Variants in EEPD1 observed in about 807,000 individuals in gnomAD.
The protein encoded by EEPD1 is endonuclease/exonuclease/phosphatase family domain-containing protein 1.
A neutral mutation model predicts 46.3 loss-of-function variants in EEPD1; 17 were observed. The observed-to-expected ratio is 0.37, with a 90% CI of 0.25 to 0.55. The LOEUF (loss-of-function observed/expected upper bound fraction) is 0.55. Among genes scored for constraint, EEPD1 ranks in the 20% least tolerant of loss-of-function variants. The pLI is 0.83. For missense variants in EEPD1, 673 were observed against 745.6 expected, an observed-to-expected ratio of 0.90 and a Z score of 1.13; for synonymous variants, 313 against 315.6, an observed-to-expected ratio of 0.99 and a Z score of 0.09.
chr7:36,279,093 T>A (rs1787222447), intron 3 of EEPD1, among the ~76,000 whole-genome samples: 2 of 149,606 alleles, frequency 1.3e-5, no homozygotes, highest in African/African-American at 2.5e-5. Flanking sequence ...CCACCCCGAC[T>A]CCCCCGCATC....
In EEPD1 at chr7:36,210,733, C is replaced by T. The variant is rs999782402; in HGVS notation, c.879-28252C>T. Among the ~76,000 whole-genome samples the T allele has an allele frequency of 5.9e-5, 9 of 152,308 alleles. No homozygotes were observed. The East Asian group carries it at 1.7e-3, about 29-fold the overall frequency. ...ACCTGCGCATTTGCTGCTGCCTCCG[C>T]GTAGACCTTTTCCTTTCTCATGACT... On this transcript the variant is annotated intron_variant, in intron 2 of 7. Coordinates refer to ENST00000242108, the MANE Select transcript of EEPD1 (RefSeq NM_030636.3).
At chr7:36,159,343 T>G (rs1398698708) in intron 2 of EEPD1, among the ~76,000 whole-genome samples, 1 of 152,220 alleles carries the variant, frequency 6.6e-6, no homozygotes, top group South Asian at 2.1e-4. Flanking sequence ...TTTTCTCATA[T>G]GAACAATAGG....
At position 36,154,194 on chromosome 7, in the gene EEPD1, G is replaced by C. The variant is rs1413601645; in HGVS notation, c.-131G>C. 2.6e-6 allele frequency: 3 copies of C among 1,170,914 alleles called. No homozygotes were observed. Among genetic ancestry groups the C allele is most frequent in the African/African-American group, 3.1e-5 (2 of 64,648 alleles). The allele number at this position is 1,170,914 out of a possible 1,614,324, so 72.5% of individuals were successfully genotyped here. A position where few individuals can be genotyped will look rare whatever the true frequency, so the allele number is the denominator to read the frequency against. ...ATGGAAGATTCGGTGTTTGTCTATA[G>C]TAACCTCTTCAGTCCCTGAATCCTG... On this transcript the variant is annotated 5_prime_UTR_variant, in exon 2 of 8. Coordinates refer to ENST00000242108, the MANE Select transcript of EEPD1 (RefSeq NM_030636.3). This position sits in a 1 kb window ranked among gnomAD's most constrained non-coding sequence, Gnocchi z 4.2.
At position 36,153,440 on chromosome 7, in the gene EEPD1, C is replaced by T. The variant is rs892886401; in HGVS notation, c.-427C>T. 1.3e-5 allele frequency: 2 copies of T among 152,210 alleles called. No individual in the cohort carries two copies. Among genetic ancestry groups the T allele is most frequent in the Non-Finnish European group, 2.9e-5 (2 of 68,050 alleles). The allele number at this position is 152,210 out of a possible 1,614,324, so 9.4% of individuals were successfully genotyped here. On this transcript the variant is annotated 5_prime_UTR_variant, in exon 1 of 8. Coordinates refer to ENST00000242108, the MANE Select transcript of EEPD1 (RefSeq NM_030636.3). ...GGTTTCGCCGCCGCTGCCGCCGCCT[C>T]CGAGCAGCCCTGCGGCTTCTATTCA...
intron 3 of EEPD1, among the ~76,000 whole-genome samples, chr7:36,266,301 T>C (rs1787017090): frequency 6.6e-6 from 1 of 152,186 alleles, no homozygotes; most frequent in Non-Finnish European, 1.5e-5. Context: ...GAGCCAGTAT[T>C]CCAAGAATTA....
At chr7:36,282,471 G>T (rs939618336) in intron 4 of EEPD1, among the ~76,000 whole-genome samples, 22 of 152,344 alleles carry the variant, frequency 1.4e-4, no homozygotes, top group African/African-American at 5.3e-4. Flanking sequence ...CGCAGGGAGT[G>T]CACAGCCTGT....
intron 2 of EEPD1, among the ~76,000 whole-genome samples, chr7:36,168,908 A>G (rs1219615208): frequency 6.6e-6 from 1 of 152,154 alleles, no homozygotes; most frequent in African/African-American, 2.4e-5. Context: ...ATCTGATTCA[A>G]TTTGAAGATT....
chr7:36,167,949 A>C (rs1785013632), intron 2 of EEPD1, among the ~76,000 whole-genome samples: 1 of 152,088 alleles, frequency 6.6e-6, no homozygotes, highest in Non-Finnish European at 1.5e-5. Context: ...TGCCCTTTAG[A>C]ATTGCTGTGG....
chr7:36,282,106 GCTC>G (rs1260320968), intron 4 of EEPD1, among the ~76,000 whole-genome samples: 1 of 152,174 alleles, frequency 6.6e-6, no homozygotes, highest in Non-Finnish European at 1.5e-5. Flanking sequence ...GGTGTAAATG[GCTC>G]CTGCAGCTGA....
At chr7:36,263,708 T>A (rs1219698179) in intron 3 of EEPD1, among the ~76,000 whole-genome samples, 3 of 152,200 alleles carry the variant, frequency 2.0e-5, no homozygotes, top group Admixed American at 6.5e-5. Context: ...AGGGCCTTTC[T>A]CCCATGATTA....
Position 36,299,452 on chromosome 7 carries a change from T to C in EEPD1, c.*246T>C, listed in dbSNP as rs1787582531. 1.8e-6 allele frequency: 1 copy of C among 556,552 alleles called. No individual in the cohort carries two copies. The highest frequency in any genetic ancestry group is 3.1e-5 in the Admixed American group (1 of 31,980). 34.5% of individuals were successfully genotyped at this position (556,552 alleles called of 1,614,324 possible). A position where few individuals can be genotyped will look rare whatever the true frequency, so the allele number is the denominator to read the frequency against. On this transcript the variant is annotated 3_prime_UTR_variant, in exon 8 of 8. Transcript: ENST00000242108. ...GCGGGGAGCGGAGACGCCTTTTATC[T>C]CTGGATGCCACAGACCTGAGCAGCA...
At position 36,300,266 on chromosome 7, in the gene EEPD1, A is replaced by AGGATGC. The variant is rs1399449138; in HGVS notation, c.*1062_*1067dup. ...GGAGAGAGGTTGTGGGGAGGAAGCG[A>AGGATGC]GGATGCGTGCCTGCCACTAGGCATC... On this transcript the variant is annotated 3_prime_UTR_variant, in exon 8 of 8. Coordinates refer to ENST00000242108, the MANE Select transcript of EEPD1 (RefSeq NM_030636.3). 6.6e-6 allele frequency: 1 copy of AGGATGC among 152,238 alleles called. No individual in the cohort carries two copies. Among genetic ancestry groups the AGGATGC allele is most frequent in the African/African-American group, 2.4e-5 (1 of 41,442 alleles). 9.4% of individuals were successfully genotyped at this position (152,238 alleles called of 1,614,324 possible).
intron 2 of EEPD1, among the ~76,000 whole-genome samples, chr7:36,199,650 C>T (rs982645807): frequency 3.3e-5 from 5 of 152,158 alleles, no homozygotes; most frequent in African/African-American, 1.2e-4. Flanking sequence ...GACTGAGTGA[C>T]AGCATCCTCT....
intron 2 of EEPD1, among the ~76,000 whole-genome samples, chr7:36,227,292 A>G (rs895380371): frequency 5.3e-5 from 8 of 152,204 alleles, no homozygotes; most frequent in Non-Finnish European, 1.0e-4. Flanking sequence ...TTTGCAGACT[A>G]ATTCTTTCAA....
chr7:36,188,010 C>T (rs1323684466), intron 2 of EEPD1, among the ~76,000 whole-genome samples: 1 of 150,784 alleles, frequency 6.6e-6, no homozygotes, highest in Non-Finnish European at 1.5e-5. Flanking sequence ...GTTGGTCAGG[C>T]TGGTCTTGAA....
At chr7:36,204,637 A>G (rs991951854) in intron 2 of EEPD1, among the ~76,000 whole-genome samples, 39 of 152,164 alleles carry the variant, frequency 2.6e-4, no homozygotes, top group African/African-American at 9.4e-4. Flanking sequence ...GGAGGATCCC[A>G]GCAGAGTGAA....
At chr7:36,216,255 G>A (rs1341580972) in intron 2 of EEPD1, among the ~76,000 whole-genome samples, 1 of 152,210 alleles carries the variant, frequency 6.6e-6, no homozygotes, top group East Asian at 1.9e-4. Flanking sequence ...TGAGCTTAGA[G>A]GACCTTTCCA....
chr7:36,230,965 C>A (rs1329388513), intron 2 of EEPD1: 2 of 152,178 alleles, frequency 1.3e-5, no homozygotes, highest in Admixed American at 1.3e-4. Context: ...TGCCAGAATC[C>A]TCAGAGAAAG....
At chr7:36,249,029 A>ACACG (rs1335154145) in intron 3 of EEPD1, among the ~76,000 whole-genome samples, 1 of 151,460 alleles carries the variant, frequency 6.6e-6, no homozygotes, top group African/African-American at 2.4e-5. Flanking sequence ...ACACACACAC[A>ACACG]CACACATTTT....
Sources: gnomAD v4.1 joint callset for allele counts (sites outside exome capture counted in the v4.1 genomes callset) on GRCh38, gnomAD v4.1.1 for gene constraint, Gnocchi (gnomAD v3.1) non-coding constraint, MANE v1.5 for transcripts, NCBI Gene and HGNC (gene_info 2026-07-23, HGNC 2026-07-21) for gene names.